The following SOX5 variants were observed in gnomAD, a reference collection of about 807,000 sequenced individuals.
SOX5 encodes SRY-box transcription factor 5, also known as transcription factor SOX-5.
Under a neutral mutation model 92.0 loss-of-function variants are expected in SOX5, and 9 were observed. The ratio of observed to expected loss-of-function variants is 0.10; its 90% CI spans 0.06 to 0.17. The LOEUF is 0.17. Among genes scored for constraint, SOX5 ranks in the 10% least tolerant of loss-of-function variants. The pLI is 1.00. For missense variants in SOX5, 642 were observed against 944.5 expected (o/e 0.68, Z 4.20); for synonymous variants, 344 against 336.3 (o/e 1.02, Z -0.25).
chr12:24,337,984 C>A (rs1011957708), intron 2 of SOX5, among the ~76,000 whole-genome samples: 14 of 151,930 alleles, frequency 9.2e-5, no homozygotes, highest in African/African-American at 3.4e-4. Context: ...GAGATGTACT[C>A]CAAGTTACTT....
At chr12:24,451,178 C>A (rs1942247218) in intron 1 of SOX5, among the ~76,000 whole-genome samples, 1 of 152,164 alleles carries the variant, frequency 6.6e-6, no homozygotes, top group African/African-American at 2.4e-5. Context: ...ACCACATTTT[C>A]TTTATCCATT....
At chr12:23,699,612 G>A (rs996479926) in intron 6 of SOX5, among the ~76,000 whole-genome samples, 1 of 152,052 alleles carries the variant, frequency 6.6e-6, no homozygotes, top group African/African-American at 2.4e-5. Context: ...AGATCTTAGA[G>A]TGGTAGTGCT....
intron 1 of SOX5, among the ~76,000 whole-genome samples, chr12:23,909,066 T>C (rs2097323663): frequency 6.6e-6 from 1 of 152,160 alleles, no homozygotes; most frequent in African/African-American, 2.4e-5. Context: ...GGTTGTGGCA[T>C]ATACTGCAGA....
intron 1 of SOX5, among the ~76,000 whole-genome samples, chr12:23,932,401 T>C (rs578108473): frequency 2.6e-4 from 40 of 151,682 alleles, no homozygotes; most frequent in African/African-American, 9.6e-4. Flanking sequence ...GAAAAAGACA[T>C]AAAAAGCATT....
At chr12:24,536,763 A>T (rs1027229059) in intron 1 of SOX5, among the ~76,000 whole-genome samples, 1 of 152,164 alleles carries the variant, frequency 6.6e-6, no homozygotes, top group Non-Finnish European at 1.5e-5. Context: ...ATTCTCCCAT[A>T]TTCTTCATCA....
intron 13 of SOX5, among the ~76,000 whole-genome samples, chr12:23,539,026 C>G (rs1941304820): frequency 6.6e-6 from 1 of 151,470 alleles, no homozygotes; most frequent in African/African-American, 2.4e-5. Context: ...AGGATGGTGT[C>G]AATCTCCTGA....
intron 2 of SOX5, among the ~76,000 whole-genome samples, chr12:23,860,974 A>AAAAAAAAAAAAAAAAAAAAC: frequency 6.7e-6 from 1 of 150,026 alleles, no homozygotes; most frequent in South Asian, 2.1e-4. Flanking sequence ...AAAAAAAAAA[A>AAAAAAAAAAAAAAAAAAAAC]AAAACCCTGC....
intron 1 of SOX5, among the ~76,000 whole-genome samples, chr12:24,560,725 A>G (rs535760281): frequency 6.6e-6 from 1 of 152,364 alleles, no homozygotes; most frequent in African/African-American, 2.4e-5. Context: ...ATGCTATAAA[A>G]GTCAAACTTG....
chr12:24,340,969 C>A (rs368395894), intron 2 of SOX5, among the ~76,000 whole-genome samples: 1 of 152,120 alleles, frequency 6.6e-6, no homozygotes, highest in Non-Finnish European at 1.5e-5. Flanking sequence ...GTACTCTGTG[C>A]GTCTAGCTCT....
At chr12:23,599,898 A>G (rs61923844) in intron 9 of SOX5, among the ~76,000 whole-genome samples, 2,122 of 152,330 alleles carry the variant, frequency 0.014, 26 homozygotes, top group Non-Finnish European at 0.02. Context: ...ATCAATTACT[A>G]TAACAAAGCA....
chr12:24,127,959 C>G (rs540070617), intron 4 of SOX5, among the ~76,000 whole-genome samples: 5 of 152,306 alleles, frequency 3.3e-5, no homozygotes, highest in African/African-American at 1.2e-4. Flanking sequence ...ATACCTAGCA[C>G]AGCCTCCTAG....
chr12:24,329,859 C>G (rs1951099976), intron 2 of SOX5, among the ~76,000 whole-genome samples: 1 of 152,038 alleles, frequency 6.6e-6, no homozygotes, highest in South Asian at 2.1e-4. Flanking sequence ...CCCGTCTCTA[C>G]TAAAAATACA....
chr12:24,299,419 T>C (rs2140618696), intron 2 of SOX5, among the ~76,000 whole-genome samples: 1 of 152,264 alleles, frequency 6.6e-6, no homozygotes, highest in African/African-American at 2.4e-5. Flanking sequence ...GAGAATCTCA[T>C]ATTTTAAGTA....
chr12:23,880,982 T>A (rs2096982556), intron 2 of SOX5, among the ~76,000 whole-genome samples: 2 of 152,178 alleles, frequency 1.3e-5, no homozygotes, highest in African/African-American at 4.8e-5. Context: ...ATTGTCTCCT[T>A]GATTTAAAAT....
intron 1 of SOX5, among the ~76,000 whole-genome samples, chr12:24,525,462 G>T (rs1950618125): frequency 6.6e-6 from 1 of 152,198 alleles, no homozygotes; most frequent in Admixed American, 6.5e-5. Context: ...GCTGCAGAAT[G>T]TCTTACCTAT....
chr12:24,535,513 C>T (rs1050957237), intron 1 of SOX5, among the ~76,000 whole-genome samples: 1 of 152,136 alleles, frequency 6.6e-6, no homozygotes, highest in East Asian at 1.9e-4. Flanking sequence ...ACAGGACACA[C>T]TGACAGATTA....
chr12:23,790,579 C>T (rs865936395), intron 3 of SOX5, among the ~76,000 whole-genome samples: 2 of 150,830 alleles, frequency 1.3e-5, no homozygotes, highest in Admixed American at 6.6e-5. Flanking sequence ...CACACACACA[C>T]GAAAGTTCTG....
chr12:23,775,843 C>T lies in SOX5; in HGVS notation c.482-20119G>A, dbSNP rs141482322. 1.6e-3 allele frequency among the ~76,000 whole-genome samples: 250 copies of T among 152,274 alleles called. 1 individual carries two copies. Among genetic ancestry groups the T allele is most frequent in the African/African-American group, 5.7e-3 (237 of 41,556 alleles). Reference sequence around the variant, plus strand: ...CTTATTCATATCTTAACTCATATTTCACTTTTTGAGAAAGGCCTTCTTTGA... The same window carrying T: ...CTTATTCATATCTTAACTCATATTTTACTTTTTGAGAAAGGCCTTCTTTGA... On this transcript the variant is annotated intron_variant, in intron 3 of 14. Coordinates refer to ENST00000451604, the MANE Select transcript of SOX5 (RefSeq NM_006940.6).
chr12:24,260,553 T>C (rs1377091648), intron 3 of SOX5, among the ~76,000 whole-genome samples: 1 of 152,150 alleles, frequency 6.6e-6, no homozygotes, highest in Non-Finnish European at 1.5e-5. Context: ...GAGAGATGAT[T>C]TAGGGTGGTT....
Sources: gnomAD v4.1 joint callset for allele counts (sites outside exome capture counted in the v4.1 genomes callset) on GRCh38, gnomAD v4.1.1 for gene constraint, MANE v1.5 for transcripts, NCBI Gene and HGNC (gene_info 2026-07-23, HGNC 2026-07-21) for gene names.